COL22A1: variants seen among roughly 807,000 people sequenced by gnomAD.
The protein encoded by COL22A1 is collagen type XXII alpha 1 chain.
Under a neutral mutation model 248.9 loss-of-function variants are expected in COL22A1, and 221 were observed. The observed-to-expected ratio is 0.89, with a 90% CI of 0.80 to 0.99. The LOEUF (loss-of-function observed/expected upper bound fraction) is 0.99, where lower values mean the gene tolerates loss of function less well. Ranked by LOEUF, COL22A1 falls within the 50% of genes least tolerant of loss-of-function variation. The pLI, the probability that COL22A1 is intolerant of heterozygous loss-of-function variation, is 0.00. For synonymous variants in COL22A1, 891 were observed against 793.4 expected (o/e 1.12, Z -2.07); for missense variants, 2,240 against 2,179.0 (o/e 1.03, Z -0.56).
chr8:138,649,855 T>C, intron 45 of COL22A1, 77 bp from the exon 46 acceptor site: 1 of 864,804 alleles, frequency 1.2e-6, no homozygotes, highest in South Asian at 1.8e-5. Context: ...AAAGTAGCCC[T>C]GGCTGCTATC....
At chr8:138,645,987 T>A (rs1455534982) in intron 47 of COL22A1, among the ~76,000 whole-genome samples, 2 of 152,106 alleles carry the variant, frequency 1.3e-5, no homozygotes, top group Non-Finnish European at 2.9e-5. Flanking sequence ...CTCAGGCAGT[T>A]TCTTCTTAGA....
chr8:138,757,519 A>C (rs4736040), intron 18 of COL22A1, among the ~76,000 whole-genome samples: 3 of 152,012 alleles, frequency 2.0e-5, no homozygotes, highest in African/African-American at 4.8e-5. Flanking sequence ...CAATCAACAC[A>C]TGTTTTAATT....
At chr8:138,894,169 G>C (rs186136874) in intron 1 of COL22A1, among the ~76,000 whole-genome samples, 226 of 152,338 alleles carry the variant, frequency 1.5e-3, no homozygotes, top group African/African-American at 5.1e-3. Context: ...AGAAAGCCTA[G>C]AGACTTGTGC....
At position 138,598,848 on chromosome 8, in the gene COL22A1, C is replaced by G; in HGVS notation, c.4236G>C (p.Gln1412His). 6.2e-7 allele frequency: 1 copy of G among 1,614,162 alleles called. No individual in the cohort carries two copies. Residue 1412 changes from glutamine (Q) to histidine (H), a missense_variant, in exon 61 of 65, where the codon CAG (glutamine) becomes CAC (histidine). Coordinates refer to ENST00000303045, the MANE Select transcript of COL22A1 (RefSeq NM_152888.3). ...GGCCTGGGATTCCAGGGTCCCCAGG[C>G]TGGCCTTTTCCACCAGGAGGTCCTT... ...GDKGPPGGKG[Q>H]PGDPGIPGHK...
chr8:138,598,727 C>T lies in COL22A1; in HGVS notation c.4357G>A (p.Gly1453Arg). The change falls in exon 61 of 65, where the codon GGA (glycine) becomes AGA (arginine). Residue 1453 changes from glycine (G) to arginine (R), a missense_variant. Gly to Arg is a moderately radical substitution (Grantham distance 125, BLOSUM62 -2). Transcript: ENST00000303045. ...PGPPGQPGFPGLRGESPSMET... is the reference protein window; with the variant it reads ...PGPPGQPGFPRLRGESPSMET... ...CATATTAGCATCCTTACCCTCAGTC[C>T]TGGAAATCCCGGCTGGCCTGGAGGC... The T allele has an allele frequency of 1.2e-6, 2 of 1,613,360 alleles. No individual in the cohort carries two copies. The highest frequency in any genetic ancestry group is 1.7e-4 in the Middle Eastern group (1 of 5,794).
At chr8:138,860,836 C>A (rs2131954997) in intron 3 of COL22A1, among the ~76,000 whole-genome samples, 1 of 152,280 alleles carries the variant, frequency 6.6e-6, no homozygotes, top group Non-Finnish European at 1.5e-5. Context: ...CTCACTTTCT[C>A]CCGCACCACT....
rs149430712 is a variant in COL22A1 at position 138,777,006 on chromosome 8, A to C, written c.1759-996T>G. On this transcript the variant is annotated intron_variant, in intron 15 of 64. Coordinates refer to ENST00000303045, the MANE Select transcript of COL22A1 (RefSeq NM_152888.3). ...CACTGGGGCCACCCACACGAGCTGA[A>C]AAAAGCACAGCTCCTCCCCAGGCAG... Among the ~76,000 whole-genome samples the C allele has an allele frequency of 4.3e-3, 649 of 152,310 alleles. 5 individuals carry two copies. Among genetic ancestry groups the C allele is most frequent in the African/African-American group, 0.015 (607 of 41,572 alleles).
In COL22A1 at chr8:138,796,835, C is replaced by T; in HGVS notation, c.1580G>A (p.Gly527Glu). Residue 527 changes from glycine (G) to glutamate (E), a missense_variant, in exon 12 of 65, where the codon GGG becomes GAG. Gly to Glu is a moderately conservative substitution (Grantham distance 98, BLOSUM62 -2). Transcript: ENST00000303045. ...GATGCTTACCTTTTCACCCTTTTCCCCTTGGCCAAAAGGTCCTATGCCCTA... is the reference window on the plus strand; with the variant it reads ...GATGCTTACCTTTTCACCCTTTTCCTCTTGGCCAAAAGGTCCTATGCCCTA... ...GDVGIGPFGQ[G>E]EKGEKGSLGL... The T allele has an allele frequency of 6.2e-7, 1 of 1,602,316 alleles. No homozygotes were observed. Among genetic ancestry groups the T allele is most frequent in the East Asian group, 2.2e-5 (1 of 44,834 alleles).
chr8:138,589,143 A>T lies in COL22A1; in HGVS notation c.*110T>A. On this transcript the variant is annotated 3_prime_UTR_variant, in exon 65 of 65. Coordinates refer to ENST00000303045, the MANE Select transcript of COL22A1 (RefSeq NM_152888.3). ...ACAAAAAGCAAACGATAAAAGAAAG[A>T]AAAAAAAAAGGAACACATGGCTGAA... 1 of 869,438 alleles carries T rather than the reference A, an allele frequency of 1.2e-6. No individual in the cohort carries two copies. Among genetic ancestry groups the T allele is most frequent in the Non-Finnish European group, 1.7e-6 (1 of 586,846 alleles). The allele number at this position is 869,438 out of a possible 1,614,324, so 53.9% of individuals were successfully genotyped here. A position where few individuals can be genotyped will look rare whatever the true frequency, so the allele number is the denominator to read the frequency against.
At chr8:138,665,089 C>T (rs774592029) in intron 41 of COL22A1, among the ~76,000 whole-genome samples, 40 of 152,150 alleles carry the variant, frequency 2.6e-4, no homozygotes, top group African/African-American at 9.4e-4. Flanking sequence ...ATTAAATATG[C>T]CCCAGAGCTG....
At chr8:138,591,329 C>T (rs1476077915) in intron 64 of COL22A1, 95 bp downstream of exon 64, 41 of 740,610 alleles carry the variant, frequency 5.5e-5, no homozygotes, top group Non-Finnish European at 8.2e-5. Context: ...GCCCTCCTCT[C>T]CGCTCACTGC....
intron 12 of COL22A1, among the ~76,000 whole-genome samples, chr8:138,793,721 C>T (rs1257510709): frequency 1.3e-5 from 2 of 152,196 alleles, no homozygotes; most frequent in Admixed American, 1.3e-4. Flanking sequence ...GGTAGGACTC[C>T]TGGCACCAGA....
intron 22 of COL22A1, among the ~76,000 whole-genome samples, chr8:138,750,748 C>T (rs548521028): frequency 2.6e-5 from 4 of 152,202 alleles, no homozygotes; most frequent in Admixed American, 6.5e-5. Flanking sequence ...AAAGGCGATA[C>T]AAGCTTAACG....
intron 23 of COL22A1, among the ~76,000 whole-genome samples, chr8:138,732,981 T>G (rs12545864): frequency 3.3e-5 from 5 of 152,190 alleles, no homozygotes; most frequent in Admixed American, 6.5e-5. Flanking sequence ...GACTTGGACA[T>G]GTTTATTTTG....
chr8:138,691,802 G>C (rs1259185194), intron 35 of COL22A1, among the ~76,000 whole-genome samples: 28 of 147,008 alleles, frequency 1.9e-4, no homozygotes, highest in Middle Eastern at 7.9e-3. Context: ...GTGTGTGTGT[G>C]TACGTGTGTG....
intron 47 of COL22A1, among the ~76,000 whole-genome samples, chr8:138,641,707 G>A (rs918300750): frequency 5.3e-5 from 8 of 152,138 alleles, no homozygotes; most frequent in African/African-American, 1.7e-4. Context: ...TTACTTCCCC[G>A]ATGCTGCATT....
rs571638455 is a variant in COL22A1, at chr8:138,730,645, G to A, written c.2140-5205C>T. On this transcript the variant is annotated intron_variant, in intron 23 of 64. Transcript: ENST00000303045. ...CAGAATTGTTTTGTATAAAAACCAT[G>A]GCTTCCGGCATGTAGCAGAATTCAT... Among the ~76,000 whole-genome samples, 273 of 152,306 alleles carry A rather than the reference G, an allele frequency of 1.8e-3. 1 individual carries two copies. The highest frequency in any genetic ancestry group is 6.3e-3 in the African/African-American group (262 of 41,566).
intron 23 of COL22A1, among the ~76,000 whole-genome samples, chr8:138,734,510 T>C (rs1830961967): frequency 6.6e-6 from 1 of 152,102 alleles, no homozygotes; most frequent in Non-Finnish European, 1.5e-5. Flanking sequence ...TTAGAGGAAA[T>C]GGCTGAGATG....
intron 9 of COL22A1, 147 bp from the exon 10 acceptor site, chr8:138,807,959 T>C (rs1817869680): frequency 2.7e-6 from 2 of 736,730 alleles, no homozygotes; most frequent in South Asian, 3.5e-5. Context: ...AGGAAATTGG[T>C]TGACTGTGCT....
Sources: gnomAD v4.1 joint callset for allele counts (sites outside exome capture counted in the v4.1 genomes callset) on GRCh38, gnomAD v4.1.1 for gene constraint, MANE v1.5 for transcripts, NCBI Gene and HGNC (gene_info 2026-07-23, HGNC 2026-07-21) for gene names.